Variants in GABRA2 observed in about 807,000 individuals in gnomAD.
GABRA2 encodes gamma-aminobutyric acid receptor subunit alpha-2.
GABRA2 carries 16 observed loss-of-function variants against 48.7 expected under a neutral mutation model. The observed-to-expected ratio is 0.33, with a 90% confidence interval of 0.22 to 0.50. GABRA2 has a LOEUF of 0.50. GABRA2 is among the 20% of genes least tolerant of loss of function. GABRA2 has a pLI of 0.98. For synonymous variants in GABRA2, 185 were observed against 184.5 expected (o/e 1.00, Z -0.02); for missense variants, 275 against 535.6 (o/e 0.51, Z 4.80).
At chr4:46,304,520 C>T (rs554946449) in intron 7 of GABRA2, among the ~76,000 whole-genome samples, 9 of 151,810 alleles carry the variant, frequency 5.9e-5, no homozygotes, top group Admixed American at 2.0e-4. Context: ...TAAAGGAAGG[C>T]GGCCTTCAGA....
chr4:46,377,021 T>A (rs1332030188), intron 3 of GABRA2, among the ~76,000 whole-genome samples: 1 of 151,976 alleles, frequency 6.6e-6, no homozygotes, highest in Non-Finnish European at 1.5e-5. Context: ...GCAGACGGAG[T>A]CTCATTCATT....
At chr4:46,301,179 A>G (rs1255426664) in intron 8 of GABRA2, among the ~76,000 whole-genome samples, 1 of 152,162 alleles carries the variant, frequency 6.6e-6, no homozygotes, top group Admixed American at 6.5e-5. Flanking sequence ...GGTGGGAAAA[A>G]ATTTGAGGAG....
chr4:46,283,545 A>G (rs1241822795), intron 8 of GABRA2, among the ~76,000 whole-genome samples: 1 of 152,230 alleles, frequency 6.6e-6, no homozygotes, highest in African/African-American at 2.4e-5. Flanking sequence ...GTCGAAATGA[A>G]TCAGGGCTAT....
intron 3 of GABRA2, among the ~76,000 whole-genome samples, chr4:46,351,140 G>T (rs939565362): frequency 1.1e-4 from 17 of 148,598 alleles, no homozygotes; most frequent in African/African-American, 3.2e-4. Context: ...AAGACGGGGG[G>T]CTATTAACCA....
At chr4:46,340,926 T>C (rs895586765) in intron 3 of GABRA2, among the ~76,000 whole-genome samples, 1 of 152,012 alleles carries the variant, frequency 6.6e-6, no homozygotes, top group African/African-American at 2.4e-5. Flanking sequence ...TCTTCTTCTT[T>C]TTTTTCTTAT....
At chr4:46,368,597 G>A (rs1383543171) in intron 3 of GABRA2, 10 of 185,854 alleles carry the variant, frequency 5.4e-5, no homozygotes, top group Non-Finnish European at 8.9e-5. Flanking sequence ...CAAGTTTTCC[G>A]ACTGGTTTTT....
intron 4 of GABRA2, among the ~76,000 whole-genome samples, chr4:46,320,499 C>A (rs1578037970): frequency 6.6e-6 from 1 of 151,812 alleles, no homozygotes; most frequent in Admixed American, 6.6e-5. Flanking sequence ...TAAAGGTAGC[C>A]TTATGGATTG....
At chr4:46,297,512 T>TATATATAC (rs1724970526) in intron 8 of GABRA2, among the ~76,000 whole-genome samples, 1 of 112,692 alleles carries the variant, frequency 8.9e-6, no homozygotes, top group Non-Finnish European at 1.8e-5. Context: ...TATATATATA[T>TATATATAC]ATATGGAGAA....
chr4:46,254,244 A>G (rs181179071), intron 9 of GABRA2, among the ~76,000 whole-genome samples: 9 of 151,604 alleles, frequency 5.9e-5, no homozygotes, highest in African/African-American at 2.2e-4. Flanking sequence ...GGATCCAGCC[A>G]CACCATCAGC....
intron 5 of GABRA2, among the ~76,000 whole-genome samples, chr4:46,312,159 TGATAA>T (rs1205383950): frequency 2.0e-5 from 3 of 152,110 alleles, no homozygotes; most frequent in African/African-American, 7.2e-5. Context: ...ATGGGATATC[TGATAA>T]GATATTAAAA....
chr4:46,322,953 A>C (rs1729707288), intron 4 of GABRA2, among the ~76,000 whole-genome samples: 1 of 151,946 alleles, frequency 6.6e-6, no homozygotes, highest in South Asian at 2.1e-4. Flanking sequence ...ATGTTAAACT[A>C]ATCACCAATA....
chr4:46,338,353 A>G (rs1578101771), intron 3 of GABRA2, among the ~76,000 whole-genome samples: 2 of 151,908 alleles, frequency 1.3e-5, no homozygotes, highest in South Asian at 4.1e-4. Context: ...TTCACATGCA[A>G]TTGAGCCAGT....
intron 4 of GABRA2, among the ~76,000 whole-genome samples, chr4:46,330,591 T>TATATAGAGAGAGAGAGAGAGAG (rs1411755120): frequency 4.1e-5 from 5 of 122,686 alleles, no homozygotes; most frequent in South Asian, 2.8e-4. Flanking sequence ...TATATATATA[T>TATATAGAGAGAGAGAGAGAGAG]AGAGAGAGAG....
chr4:46,323,776 G>T (rs1281020337), intron 4 of GABRA2, among the ~76,000 whole-genome samples: 1 of 151,160 alleles, frequency 6.6e-6, no homozygotes, highest in Non-Finnish European at 1.5e-5. Flanking sequence ...GGAGCACAGG[G>T]ATAAAGAGGA....
Position 46,250,515 on chromosome 4 carries a change from A to T in GABRA2, c.1149T>A (p.Val383=), listed in dbSNP as rs1714531986. 1 of 1,611,732 alleles carries T rather than the reference A, an allele frequency of 6.2e-7. No homozygotes were observed. Among genetic ancestry groups the T allele is most frequent in the Non-Finnish European group, 8.5e-7 (1 of 1,178,584 alleles). ...TTGCACTCTTGGAGATGGTGGAGAG[A>T]ACTGGATCTTTTGAAAGATTCGGGG... ...NYAPNLSKDP[V]LSTISKSATT... is the part of the protein sequence containing the mutation. The change falls in exon 10 of 10, where the codon GTT becomes GTA. Residue 383 remains valine, a synonymous_variant. Coordinates refer to ENST00000381620, the MANE Select transcript of GABRA2 (RefSeq NM_000807.4).
Position 46,312,501 on chromosome 4 carries a change from G to T in GABRA2, c.471C>A (p.Thr157=), listed in dbSNP as rs1727819653. ...RIQDDGTLLY[T]MRLTVQAECP... is the part of the protein sequence containing the mutation. The stretch of plus-strand genomic sequence containing the variant: ...CATCAAACCTAAAAACATACCTCAT[G>T]GTATACAGCAGAGTCCCATCATCCT... Residue 157 remains threonine, a synonymous_variant, in exon 5 of 10, where the codon ACC becomes ACA. Transcript: ENST00000381620. 9.4e-6 allele frequency: 15 copies of T among 1,597,888 alleles called. No homozygotes were observed. Among genetic ancestry groups the T allele is most frequent in the Non-Finnish European group, 1.1e-5 (13 of 1,168,124 alleles).
At chr4:46,280,634 A>C (rs1460371528) in intron 8 of GABRA2, among the ~76,000 whole-genome samples, 1 of 152,202 alleles carries the variant, frequency 6.6e-6, no homozygotes, top group Non-Finnish European at 1.5e-5. Context: ...ATAAAGGTGG[A>C]AGCAAGAGTC....
At chr4:46,356,059 T>C (rs560393969) in intron 3 of GABRA2, among the ~76,000 whole-genome samples, 2 of 152,296 alleles carry the variant, frequency 1.3e-5, no homozygotes, top group South Asian at 2.1e-4. Context: ...GTGCCAACAC[T>C]ATACCCCCTG....
intron 8 of GABRA2, among the ~76,000 whole-genome samples, chr4:46,275,113 T>C (rs1418192848): frequency 6.6e-6 from 1 of 152,132 alleles, no homozygotes; most frequent in Non-Finnish European, 1.5e-5. Flanking sequence ...TCTTCCATTG[T>C]TCCAAAAGAG....
Sources: allele counts gnomAD v4.1 joint callset (sites outside exome capture counted in the v4.1 genomes callset), GRCh38; gene constraint gnomAD v4.1.1; transcripts MANE v1.5; gene names NCBI Gene and HGNC (gene_info 2026-07-23, HGNC 2026-07-21).